Variants in LY6G5C observed in about 807,000 individuals in gnomAD.
The protein encoded by LY6G5C is lymphocyte antigen 6 family member G5C, also known as lymphocyte antigen 6 complex locus protein G5c.
In LY6G5C, 6 loss-of-function variants were observed where a neutral mutation model predicts 10.5. The observed-to-expected ratio is 0.57, with a 90% CI of 0.31 to 1.12. The LOEUF is 1.12. LY6G5C is among the 50% of genes most tolerant of loss of function. The probability of loss-of-function intolerance (pLI) is 0.05; values close to 1 mark genes in which losing one functional copy is unlikely to be tolerated. For missense variants in LY6G5C, 160 were observed against 185.5 expected, an observed-to-expected ratio of 0.86 and a Z score of 0.80; for synonymous variants, 69 against 67.8, an observed-to-expected ratio of 1.02 and a Z score of -0.09.
rs532797788 is a variant in LY6G5C at position 31,677,150 on chromosome 6, C to T, written c.290-30G>A. On this transcript the variant is annotated intron_variant, in intron 2 of 2. Coordinates refer to ENST00000383237, the Ensembl canonical transcript of LY6G5C. ...GGAGGGACAGTGGGCACCAGTGATA[C>T]GGAAGTCCCCAGGAAGAGCCCCAAA... The T allele has an allele frequency of 3.9e-5, 63 of 1,607,634 alleles. No individual in the cohort carries two copies. The African/African-American group carries it at 4.4e-4, about 11-fold the overall frequency.
chr6:31,678,486 G>A (rs948998980), intron 2 of LY6G5C, among the ~76,000 whole-genome samples: 1 of 152,228 alleles, frequency 6.6e-6, no homozygotes, highest in East Asian at 1.9e-4. Context: ...TGAAGAAGCC[G>A]TGGAGGATGC....
chr6:31,679,477 A>C lies in LY6G5C; in HGVS notation c.122-209T>G. On this transcript the variant is annotated intron_variant, in intron 1 of 2. Coordinates refer to ENST00000383237, the Ensembl canonical transcript of LY6G5C. The surrounding 1 kb of genome is among the most constrained non-coding windows in gnomAD (Gnocchi z 4.4). ...CTAAGGCCAGACCACATGTTAACAA[A>C]TCCCCAGACCCAGCAGAGCACTTGG... 1.0e-5 allele frequency: 6 copies of C among 598,172 alleles called. No homozygotes were observed. Among genetic ancestry groups the C allele is most frequent in the East Asian group, 2.8e-5 (1 of 35,696 alleles). The allele number at this position is 598,172 out of a possible 1,614,324, so 37.1% of individuals were successfully genotyped here. A position where few individuals can be genotyped will look rare whatever the true frequency, so the allele number is the denominator to read the frequency against.
At chr6:31,680,431 G>A, upstream of LY6G5C, 13 of 1,559,856 alleles carry the variant, frequency 8.3e-6, no homozygotes, top group South Asian at 1.6e-4. This position sits in a 1 kb window ranked among gnomAD's most constrained non-coding sequence, Gnocchi z 4.5. Context: ...TTGGCCAAGA[G>A]GAAGGAGAGA....
chr6:31,677,100 C>G, exon 3 of LY6G5C: 6 of 1,612,852 alleles, frequency 3.7e-6, no homozygotes, highest in Non-Finnish European at 4.2e-6. Context: ...CAGTCACTCA[C>G]CATGACGTCA....
At chr6:31,676,861 G>A (rs1802604113) in exon 3 of LY6G5C, 3 of 1,239,472 alleles carry the variant, frequency 2.4e-6, no homozygotes, top group Admixed American at 3.7e-5. Context: ...AGGAGGGCTG[G>A]TATGAGGGAC....
At position 31,678,161 on chromosome 6, in the gene LY6G5C, A is replaced by C. The variant is rs531212445; in HGVS notation, c.289+940T>G. On this transcript the variant is annotated intron_variant, in intron 2 of 2. Coordinates refer to ENST00000383237, the Ensembl canonical transcript of LY6G5C. Reference sequence around the variant, plus strand: ...CTGCCTCAGCGGATTGCAAGTGTTTAGAACAGTGCCTAGCACATATTATGT... The same window carrying C: ...CTGCCTCAGCGGATTGCAAGTGTTTCGAACAGTGCCTAGCACATATTATGT... 3.3e-5 allele frequency among the ~76,000 whole-genome samples: 5 copies of C among 152,332 alleles called. No individual in the cohort carries two copies. The East Asian group carries it at 9.6e-4, about 29-fold the overall frequency.
chr6:31,676,934 C>T (rs767512346), exon 3 of LY6G5C: 5 of 1,603,502 alleles, frequency 3.1e-6, no homozygotes, highest in Admixed American at 1.7e-5. Flanking sequence ...TGGAATTTTA[C>T]ACCAAAGTTT....
chr6:31,677,040 C>T, exon 3 of LY6G5C: 1 of 1,613,016 alleles, frequency 6.2e-7, no homozygotes, highest in Non-Finnish European at 8.5e-7. Context: ...AAGCCAGACA[C>T]CGGAGAAGTT....
chr6:31,677,088 G>C (rs549817623), exon 3 of LY6G5C: 1 of 1,612,868 alleles, frequency 6.2e-7, no homozygotes, highest in South Asian at 1.1e-5. Context: ...TCCTTACTTC[G>C]GCAGTCACTC....
intron 2 of LY6G5C, among the ~76,000 whole-genome samples, chr6:31,678,777 G>A (rs1179143347): frequency 2.6e-5 from 4 of 152,230 alleles, no homozygotes; most frequent in African/African-American, 7.2e-5. Context: ...TCAGGAGTTC[G>A]AGACCAGCCT....
chr6:31,676,896 A>G, exon 3 of LY6G5C: 1 of 1,545,378 alleles, frequency 6.5e-7, no homozygotes, highest in Non-Finnish European at 8.9e-7. Flanking sequence ...AAGCCCAGAT[A>G]GAAGTCAGGA....
Position 31,679,687 on chromosome 6 carries a change from G to A in LY6G5C, c.122-419C>T, listed in dbSNP as rs1802775395. 2 of 236,780 alleles carry A rather than the reference G, an allele frequency of 8.4e-6. No individual in the cohort carries two copies. Among genetic ancestry groups the A allele is most frequent in the South Asian group, 1.4e-4 (2 of 13,856 alleles). 14.7% of individuals were successfully genotyped at this position (236,780 alleles called of 1,614,324 possible). ...CTATGTTGCCCTCAGATCCAGAGAG[G>A]ATTCCTTCAGTATCTCTATTCAGGT... On this transcript the variant is annotated intron_variant, in intron 1 of 2. Transcript: ENST00000383237. The surrounding 1 kb of genome is among the most constrained non-coding windows in gnomAD (Gnocchi z 4.4).
chr6:31,678,485 C>T (rs916153096), intron 2 of LY6G5C, among the ~76,000 whole-genome samples: 4 of 152,118 alleles, frequency 2.6e-5, no homozygotes, highest in Non-Finnish European at 4.4e-5. Context: ...CTGAAGAAGC[C>T]GTGGAGGATG....
upstream of LY6G5C, among the ~76,000 whole-genome samples, chr6:31,680,920 G>A: frequency 6.6e-6 from 1 of 152,170 alleles, no homozygotes; most frequent in South Asian, 2.1e-4. This position sits in a 1 kb window ranked among gnomAD's most constrained non-coding sequence, Gnocchi z 4.5. Flanking sequence ...AGACGAGCAG[G>A]GACGAGGAAG....
chr6:31,679,085 G>A lies in LY6G5C; in HGVS notation c.289+16C>T, dbSNP rs758406024. The A allele has an allele frequency of 1.0e-4, 161 of 1,612,684 alleles. No individual in the cohort carries two copies. Among genetic ancestry groups the A allele is most frequent in the Non-Finnish European group, 1.3e-4 (152 of 1,179,840 alleles). On this transcript the variant is annotated intron_variant, in intron 2 of 2. Transcript: ENST00000383237. The surrounding 1 kb of genome is among the most constrained non-coding windows in gnomAD (Gnocchi z 4.4). ...TTGGGAGAGTGCTGGGCCCATGACAGGAGAAGGCCACTTACTGTTCTTTTT... is the reference window on the plus strand; with the variant it reads ...TTGGGAGAGTGCTGGGCCCATGACAAGAGAAGGCCACTTACTGTTCTTTTT...
chr6:31,677,051 C>G (rs776153651), exon 3 of LY6G5C: 1 of 1,612,912 alleles, frequency 6.2e-7, no homozygotes, highest in Non-Finnish European at 8.5e-7. Flanking sequence ...CGGAGAAGTT[C>G]GGGTATTTGA....
Position 31,679,983 on chromosome 6 carries a change from GT to G in LY6G5C, c.121+269del. 3.1e-6 allele frequency: 1 copy of G among 322,282 alleles called. No homozygotes were observed. The highest frequency in any genetic ancestry group is 3.7e-5 in the South Asian group (1 of 26,990). The allele number at this position is 322,282 out of a possible 1,614,324, so 20.0% of individuals were successfully genotyped here. On this transcript the variant is annotated intron_variant, in intron 1 of 2. Transcript: ENST00000383237. The surrounding 1 kb of genome is among the most constrained non-coding windows in gnomAD (Gnocchi z 4.4). Reference sequence around the variant, plus strand: ...AATCGCTTGAACCCGGGAGGTGGAGGTTGCAGTGAGCCGAGATCTCGCCACT... The same window carrying G: ...AATCGCTTGAACCCGGGAGGTGGAGGTGCAGTGAGCCGAGATCTCGCCACT...
exon 3 of LY6G5C, chr6:31,676,943 T>C (rs753788772): frequency 6.9e-6 from 11 of 1,605,210 alleles, no homozygotes; most frequent in Non-Finnish European, 7.7e-6. Flanking sequence ...ACACCAAAGT[T>C]TGCTGCAGTC....
exon 3 of LY6G5C, chr6:31,676,805 C>T: frequency 1.4e-6 from 1 of 721,420 alleles, no homozygotes; most frequent in South Asian, 1.7e-5. Context: ...AGGGCGTCAA[C>T]CAAGAGGAAG....
Sources: allele counts gnomAD v4.1 joint callset (sites outside exome capture counted in the v4.1 genomes callset), GRCh38; gene constraint gnomAD v4.1.1; non-coding constraint Gnocchi (gnomAD v3.1); transcripts MANE v1.5; gene names NCBI Gene and HGNC (gene_info 2026-07-23, HGNC 2026-07-21).